CPNE4: variants seen among roughly 807,000 people sequenced by gnomAD.
CPNE4 encodes the protein copine 4.
Under a neutral mutation model 67.9 loss-of-function variants are expected in CPNE4, and 25 were observed. The ratio of observed to expected loss-of-function variants is 0.37; its 90% CI spans 0.27 to 0.51. The LOEUF (loss-of-function observed/expected upper bound fraction) is 0.51, where lower values mean the gene tolerates loss of function less well. CPNE4 is among the 20% of genes least tolerant of loss of function. The pLI is 0.93. For missense variants in CPNE4, 464 were observed against 690.8 expected (o/e 0.67, Z 3.68); for synonymous variants, 242 against 244.9 (o/e 0.99, Z 0.11).
chr3:131,626,805 G>A (rs932594926), intron 7 of CPNE4, among the ~76,000 whole-genome samples: 52 of 152,134 alleles, frequency 3.4e-4, no homozygotes, highest in Admixed American at 3.1e-3. Flanking sequence ...GTCAATGCCC[G>A]GCTTCAGATC....
At chr3:131,842,904 G>C (rs2085849269) in intron 2 of CPNE4, among the ~76,000 whole-genome samples, 2 of 152,000 alleles carry the variant, frequency 1.3e-5, no homozygotes. Context: ...ACGATATACA[G>C]CATTTACCCA....
At chr3:131,672,764 A>G (rs1333188506) in intron 6 of CPNE4, among the ~76,000 whole-genome samples, 1 of 151,884 alleles carries the variant, frequency 6.6e-6, no homozygotes, top group African/African-American at 2.4e-5. Flanking sequence ...TAGTTGGCAA[A>G]TATTTTCTCT....
chr3:131,850,208 T>C (rs547176312), intron 2 of CPNE4, among the ~76,000 whole-genome samples: 2 of 152,250 alleles, frequency 1.3e-5, no homozygotes, highest in East Asian at 3.9e-4. Context: ...ATTTTTAAAA[T>C]AGTGCCTTCT....
At chr3:131,726,042 C>T (rs1157921969) in intron 2 of CPNE4, among the ~76,000 whole-genome samples, 1 of 152,020 alleles carries the variant, frequency 6.6e-6, no homozygotes, top group Non-Finnish European at 1.5e-5. Context: ...TGGAAATAAC[C>T]CCAAGAAGTA....
chr3:132,023,753 C>T (rs983542424), intron 1 of CPNE4, among the ~76,000 whole-genome samples: 2 of 152,126 alleles, frequency 1.3e-5, no homozygotes, highest in Admixed American at 6.5e-5. Flanking sequence ...TCCCAAAGTG[C>T]TGGGATTACA....
intron 7 of CPNE4, among the ~76,000 whole-genome samples, chr3:131,633,271 C>T (rs963180021): frequency 6.6e-6 from 1 of 152,132 alleles, no homozygotes; most frequent in African/African-American, 2.4e-5. Context: ...TCTATCTGGT[C>T]TCTTTGCTTC....
intron 1 of CPNE4, among the ~76,000 whole-genome samples, chr3:132,028,154 TG>T (rs1289932621): frequency 6.6e-6 from 1 of 152,190 alleles, no homozygotes; most frequent in Non-Finnish European, 1.5e-5. Flanking sequence ...CAAACCAAAG[TG>T]CCTGCTGAAT....
At chr3:131,732,164 T>G (rs532995609) in intron 2 of CPNE4, among the ~76,000 whole-genome samples, 1 of 152,292 alleles carries the variant, frequency 6.6e-6, no homozygotes, top group African/African-American at 2.4e-5. Context: ...GGATCAGACC[T>G]TATATGCTAA....
intron 2 of CPNE4, among the ~76,000 whole-genome samples, chr3:131,751,034 C>T (rs1216301946): frequency 1.3e-5 from 2 of 152,056 alleles, no homozygotes; most frequent in South Asian, 2.1e-4. Flanking sequence ...TGTTTTTACC[C>T]TATAGGCAAA....
intron 7 of CPNE4, among the ~76,000 whole-genome samples, chr3:131,591,170 A>G (rs1422726646): frequency 6.6e-6 from 1 of 152,202 alleles, no homozygotes; most frequent in Non-Finnish European, 1.5e-5. Flanking sequence ...AGACATAGAA[A>G]GAGGAAGAAG....
intron 2 of CPNE4, among the ~76,000 whole-genome samples, chr3:131,820,531 C>A (rs2084923668): frequency 6.6e-6 from 1 of 152,176 alleles, no homozygotes; most frequent in African/African-American, 2.4e-5. Flanking sequence ...TGCAGGGGGA[C>A]CTGAGTGCTG....
chr3:131,821,369 C>A (rs575683797), intron 2 of CPNE4, among the ~76,000 whole-genome samples: 4 of 152,276 alleles, frequency 2.6e-5, no homozygotes, highest in African/African-American at 9.6e-5. Context: ...TGGACGGACC[C>A]CTGAAAGGCT....
chr3:131,747,118 G>GTT (rs60764409), intron 2 of CPNE4, among the ~76,000 whole-genome samples: 1 of 142,822 alleles, frequency 7.0e-6, no homozygotes, highest in Non-Finnish European at 1.5e-5. Flanking sequence ...TTAAAATCAT[G>GTT]TTTTTTTTTT....
intron 1 of CPNE4, among the ~76,000 whole-genome samples, chr3:131,936,231 G>C (rs2071216490): frequency 6.6e-6 from 1 of 151,884 alleles, no homozygotes; most frequent in Non-Finnish European, 1.5e-5. Flanking sequence ...GCAGCTCAGA[G>C]CAAGCAGAAG....
chr3:131,856,500 C>G (rs2107656006), intron 2 of CPNE4, among the ~76,000 whole-genome samples: 1 of 152,098 alleles, frequency 6.6e-6, no homozygotes, highest in East Asian at 1.9e-4. Flanking sequence ...CATTCTAACA[C>G]TCTGTAGTTG....
At chr3:131,604,192 C>T (rs1939373438) in intron 7 of CPNE4, among the ~76,000 whole-genome samples, 1 of 152,094 alleles carries the variant, frequency 6.6e-6, no homozygotes, top group South Asian at 2.1e-4. Context: ...ACTCTAAAAT[C>T]ATTAATTTCT....
chr3:131,602,085 T>C (rs1939238148), intron 7 of CPNE4, among the ~76,000 whole-genome samples: 1 of 152,214 alleles, frequency 6.6e-6, no homozygotes, highest in Non-Finnish European at 1.5e-5. Flanking sequence ...CCTCCAGAGA[T>C]TCTGATTAAC....
chr3:131,737,115 CTTTTTTTTTT>C (rs71788145), intron 2 of CPNE4, among the ~76,000 whole-genome samples: 6 of 49,400 alleles, frequency 1.2e-4, no homozygotes, highest in South Asian at 2.4e-3. Context: ...AGTATTGTGT[CTTTTTTTTTT>C]TTTTTTTTTT....
intron 5 of CPNE4, 90 bp downstream of exon 5, chr3:131,696,451 GA>G: frequency 8.2e-7 from 1 of 1,223,778 alleles, no homozygotes; most frequent in Non-Finnish European, 1.2e-6. Context: ...AATGTGGGTG[GA>G]AAGGGAAAAA....
Sources: allele counts gnomAD v4.1 joint callset (sites outside exome capture counted in the v4.1 genomes callset), GRCh38; gene constraint gnomAD v4.1.1; transcripts MANE v1.5; gene names NCBI Gene and HGNC (gene_info 2026-07-23, HGNC 2026-07-21).